SLC66A2: variants seen among roughly 807,000 people sequenced by gnomAD.
SLC66A2 encodes the protein solute carrier family 66 member 2, also known as PQ loop repeat containing 1.
A neutral mutation model predicts 25.5 loss-of-function variants in SLC66A2; 23 were observed. The observed-to-expected ratio is 0.90, with a 90% confidence interval of 0.65 to 1.28. The LOEUF (loss-of-function observed/expected upper bound fraction) is 1.28, where lower values mean the gene tolerates loss of function less well. Ranked by LOEUF, SLC66A2 falls within the 50% of genes most tolerant of loss-of-function variation. SLC66A2 has a pLI of 0.00. For missense variants in SLC66A2, 396 were observed against 373.1 expected, an observed-to-expected ratio of 1.06 and a Z score of -0.51; for synonymous variants, 193 against 166.5, an observed-to-expected ratio of 1.16 and a Z score of -1.23.
At chr18:79,919,096 G>A in intron 5 of SLC66A2, 88 bp downstream of exon 5, 1 of 1,194,918 alleles carries the variant, frequency 8.4e-7, no homozygotes, top group Non-Finnish European at 1.2e-6. Context: ...TACACAGCCA[G>A]ACACACAGGC....
chr18:79,911,555 G>A (rs2099597829), intron 5 of SLC66A2, among the ~76,000 whole-genome samples: 2 of 152,224 alleles, frequency 1.3e-5, no homozygotes, highest in African/African-American at 4.8e-5. Context: ...GCACAGGTGC[G>A]CTCTGCAGCA....
In SLC66A2 at chr18:79,950,777, G is replaced by A. The variant is rs754559069; in HGVS notation, c.150C>T (p.Ser50=). 15 of 1,613,142 alleles carry A rather than the reference G, an allele frequency of 9.3e-6. No homozygotes were observed. The highest frequency in any genetic ancestry group is 1.3e-5 in the African/African-American group (1 of 74,948). The stretch of plus-strand genomic sequence containing the variant: ...CCAGCAGCACCAGGCACACGTAGGT[G>A]GAGAAGCCGTCGGCGTTCTGCGTCC... The part of the protein sequence containing the change: ...IRRTQNADGF[S]TYVCLVLLVA... The change falls in exon 2 of 6, where the codon TCC becomes TCT. Residue 50 remains serine, a synonymous_variant. Transcript: ENST00000397778.
chr18:79,939,296 G>A (rs1987423132), intron 3 of SLC66A2, among the ~76,000 whole-genome samples: 1 of 152,052 alleles, frequency 6.6e-6, no homozygotes, highest in African/African-American at 2.4e-5. Flanking sequence ...GCCAAGAATT[G>A]TGCCTCTCAA....
In SLC66A2 at chr18:79,904,294, C is replaced by T; in HGVS notation, c.609-111G>A. On this transcript the variant is annotated intron_variant, in intron 5 of 5. Transcript: ENST00000397778. This position sits in a 1 kb window ranked among gnomAD's most constrained non-coding sequence, Gnocchi z 6.3. ...GGGAGACCTGGGGCTCAGGGGCACC[C>T]AGGGGGCTAAGGGGACCCCCAGGCA... 2 of 1,002,558 alleles carry T rather than the reference C, an allele frequency of 2.0e-6. No individual in the cohort carries two copies. The highest frequency in any genetic ancestry group is 2.1e-5 in the Admixed American group (1 of 46,848). 62.1% of individuals were successfully genotyped at this position (1,002,558 alleles called of 1,614,324 possible). A position where few individuals can be genotyped will look rare whatever the true frequency, so the allele number is the denominator to read the frequency against.
intron 4 of SLC66A2, chr18:79,930,391 T>A (rs981714264): frequency 1.3e-5 from 2 of 152,018 alleles, no homozygotes; most frequent in Admixed American, 1.3e-4. Context: ...AAAACAAAGA[T>A]TCCCAGATAA....
rs529698561 is a variant in SLC66A2, at chr18:79,904,963, C to A, written c.609-780G>T. On this transcript the variant is annotated intron_variant, in intron 5 of 5. Coordinates refer to ENST00000397778, the MANE Select transcript of SLC66A2 (RefSeq NM_025078.5). This position sits in a 1 kb window ranked among gnomAD's most constrained non-coding sequence, Gnocchi z 6.3. ...GAAAGGACAGGACACAGCCCTCCCC[C>A]ACCCTGGGGCGTCCGTCCCGCTCAT... is the stretch of plus-strand genomic sequence containing the variant. Among the ~76,000 whole-genome samples, 4 of 152,198 alleles carry A rather than the reference C, an allele frequency of 2.6e-5. No individual in the cohort carries two copies. Among genetic ancestry groups the A allele is most frequent in the African/African-American group, 9.6e-5 (4 of 41,456 alleles).
In SLC66A2 at chr18:79,918,777, A is replaced by G. The variant is rs1372589338; in HGVS notation, c.608+407T>C. Among the ~76,000 whole-genome samples the G allele has an allele frequency of 2.6e-5, 4 of 152,134 alleles. No individual in the cohort carries two copies. Among genetic ancestry groups the G allele is most frequent in the African/African-American group, 4.8e-5 (2 of 41,442 alleles). ...GGAGGCCGTGCTGGGGCCAGTGGGG[A>G]AAGACCGAGGACAGTGTCCAAGGCA... On this transcript the variant is annotated intron_variant, in intron 5 of 5. Coordinates refer to ENST00000397778, the MANE Select transcript of SLC66A2 (RefSeq NM_025078.5). This position sits in a 1 kb window ranked among gnomAD's most constrained non-coding sequence, Gnocchi z 4.0.
intron 2 of SLC66A2, among the ~76,000 whole-genome samples, chr18:79,948,583 C>T (rs955015964): frequency 1.3e-5 from 2 of 152,172 alleles, no homozygotes; most frequent in African/African-American, 2.4e-5. Context: ...TCAAGTGATC[C>T]TCCCACCCCG....
Position 79,903,904 on chromosome 18 carries a change from C to T in SLC66A2, c.*72G>A. On this transcript the variant is annotated 3_prime_UTR_variant, in exon 6 of 6. Coordinates refer to ENST00000397778, the MANE Select transcript of SLC66A2 (RefSeq NM_025078.5). Reference sequence around the variant, plus strand: ...ACACCTGCAGGGGCCACAGCACCCACCCTCCCCGCGGGGAGGTCAGGGCCC... The same window carrying T: ...ACACCTGCAGGGGCCACAGCACCCATCCTCCCCGCGGGGAGGTCAGGGCCC... 1.4e-6 allele frequency: 2 copies of T among 1,398,654 alleles called. No homozygotes were observed. Among genetic ancestry groups the T allele is most frequent in the Non-Finnish European group, 9.6e-7 (1 of 1,036,812 alleles). 86.6% of individuals were successfully genotyped at this position (1,398,654 alleles called of 1,614,324 possible).
chr18:79,907,895 G>C (rs763120154), intron 5 of SLC66A2, among the ~76,000 whole-genome samples: 1 of 152,054 alleles, frequency 6.6e-6, no homozygotes, highest in Non-Finnish European at 1.5e-5. Context: ...TAGTGCTGCT[G>C]TTGAAAAATC....
chr18:79,913,230 G>C (rs1176136261), intron 5 of SLC66A2, among the ~76,000 whole-genome samples: 1 of 152,200 alleles, frequency 6.6e-6, no homozygotes, highest in Non-Finnish European at 1.5e-5. Flanking sequence ...GTCCACACAG[G>C]CACCTGCCCA....
Position 79,902,741 on chromosome 18 carries a change from C to T in SLC66A2, c.*1235G>A, listed in dbSNP as rs1260025910. 1 of 152,358 alleles carries T rather than the reference C, an allele frequency of 6.6e-6. No individual in the cohort carries two copies. Among genetic ancestry groups the T allele is most frequent in the Non-Finnish European group, 1.5e-5 (1 of 68,142 alleles). The allele number at this position is 152,358 out of a possible 1,614,324, so 9.4% of individuals were successfully genotyped here. On this transcript the variant is annotated 3_prime_UTR_variant, in exon 6 of 6. Transcript: ENST00000397778. ...CCACCTGCGGAAGGGAAGACGATGC[C>T]TGTTGGAGCCGCACGGAAGCATCCA... is the stretch of plus-strand genomic sequence containing the variant.
rs1987861126 is a variant in SLC66A2, at chr18:79,943,325, C to A, written c.337+4G>T. 6.2e-7 allele frequency: 1 copy of A among 1,613,452 alleles called. No homozygotes were observed. The highest frequency in any genetic ancestry group is 1.1e-5 in the South Asian group (1 of 91,020). On this transcript the variant is annotated splice_donor_region_variant and intron_variant, in intron 3 of 5. Transcript: ENST00000397778. ...GACTTTATTCCGAAGCGCCGGCCACCAACCTGTAAAGGAGCGGCGCCTGGC... is the reference window on the plus strand; with the variant it reads ...GACTTTATTCCGAAGCGCCGGCCACAAACCTGTAAAGGAGCGGCGCCTGGC...
intron 4 of SLC66A2, among the ~76,000 whole-genome samples, chr18:79,929,630 TAGA>T (rs770877194): frequency 3.3e-5 from 5 of 152,174 alleles, no homozygotes; most frequent in African/African-American, 4.8e-5. Flanking sequence ...TTGGACTCAG[TAGA>T]AGAAGACTTT....
intron 5 of SLC66A2, among the ~76,000 whole-genome samples, chr18:79,915,203 C>T (rs1983811288): frequency 6.6e-6 from 1 of 152,168 alleles, no homozygotes; most frequent in Admixed American, 6.5e-5. Flanking sequence ...GAAAACCGCC[C>T]GATGGTCACT....
rs746043478 is a variant in SLC66A2, at chr18:79,934,057, G to C, written c.338-35C>G. 17 of 1,576,748 alleles carry C rather than the reference G, an allele frequency of 1.1e-5. No homozygotes were observed. In the East Asian group the frequency reaches 3.8e-4, roughly 35 times the overall value. ...AAAAAGGGAGACAGAAACAGAAAGG[G>C]GAAAAAGACAGAAACATACTGGTTT... On this transcript the variant is annotated intron_variant, in intron 3 of 5. Transcript: ENST00000397778.
chr18:79,909,682 A>C (rs1333399452), intron 5 of SLC66A2, among the ~76,000 whole-genome samples: 45 of 65,192 alleles, frequency 6.9e-4, no homozygotes, highest in East Asian at 1.0e-3. Flanking sequence ...ACCATCTCAC[A>C]ACAGAGTCCC....
chr18:79,950,611 G>A (rs2051084949), intron 2 of SLC66A2, 113 bp downstream of exon 2: 2 of 981,080 alleles, frequency 2.0e-6, no homozygotes, highest in East Asian at 2.6e-5. Flanking sequence ...AGAGTGGGAC[G>A]CTGGCCCAGC....
In SLC66A2 at chr18:79,950,975, C is replaced by T. The variant is rs1004923119; in HGVS notation, c.-49G>A. The T allele has an allele frequency of 1.4e-6, 2 of 1,385,482 alleles. No homozygotes were observed. The highest frequency in any genetic ancestry group is 1.5e-5 in the African/African-American group (1 of 65,808). The allele number at this position is 1,385,482 out of a possible 1,614,324, so 85.8% of individuals were successfully genotyped here. A position where few individuals can be genotyped will look rare whatever the true frequency, so the allele number is the denominator to read the frequency against. On this transcript the variant is annotated 5_prime_UTR_variant, in exon 2 of 6. Transcript: ENST00000397778. Reference sequence around the variant, plus strand: ...TGTCACGGGCTCCGCGCCCCGCGGGCCACCGGCCGCCTGCTCATCGCCGCT... The same window carrying T: ...TGTCACGGGCTCCGCGCCCCGCGGGTCACCGGCCGCCTGCTCATCGCCGCT...
Sources: gnomAD v4.1 joint callset for allele counts (sites outside exome capture counted in the v4.1 genomes callset) on GRCh38, gnomAD v4.1.1 for gene constraint, Gnocchi (gnomAD v3.1) non-coding constraint, MANE v1.5 for transcripts, NCBI Gene and HGNC (gene_info 2026-07-23, HGNC 2026-07-21) for gene names.